CEP128: variants seen among roughly 807,000 people sequenced by gnomAD.
CEP128 encodes the protein centrosomal protein 128kDa.
In CEP128, 132 loss-of-function variants were observed where a neutral mutation model predicts 156.7. The ratio of observed to expected loss-of-function variants is 0.84; its 90% CI spans 0.73 to 0.97. The LOEUF is 0.97. CEP128 is among the 50% of genes least tolerant of loss of function. CEP128 has a pLI of 0.00. For missense variants in CEP128, 1,252 were observed against 1,281.9 expected (o/e 0.98, Z 0.36); for synonymous variants, 469 against 448.9 (o/e 1.04, Z -0.57).
intron 2 of CEP128, among the ~76,000 whole-genome samples, chr14:80,930,774 C>T (rs890497122): frequency 6.6e-6 from 1 of 152,208 alleles, no homozygotes; most frequent in East Asian, 1.9e-4. Context: ...TTATTGAAGG[C>T]CACCACTTCA....
In CEP128 at chr14:80,895,831, T is replaced by G. The variant is rs765417653; in HGVS notation, c.573-41A>C. Reference sequence around the variant, plus strand: ...AAAAAAAGATTTAAATTTGGATATTTAGAAAATACACAGAACGAGTGAAAT... The same window carrying G: ...AAAAAAAGATTTAAATTTGGATATTGAGAAAATACACAGAACGAGTGAAAT... On this transcript the variant is annotated intron_variant, in intron 7 of 24. Transcript: ENST00000555265. 13 of 1,339,638 alleles carry G rather than the reference T, an allele frequency of 9.7e-6. No homozygotes were observed. In the East Asian group the frequency reaches 3.3e-4, roughly 34 times the overall value. 83.0% of individuals were successfully genotyped at this position (1,339,638 alleles called of 1,614,324 possible).
chr14:80,840,753 C>G lies in CEP128; in HGVS notation c.778G>C (p.Glu260Gln). 6.2e-7 allele frequency: 1 copy of G among 1,608,852 alleles called. No individual in the cohort carries two copies. Among genetic ancestry groups the G allele is most frequent in the Non-Finnish European group, 8.5e-7 (1 of 1,176,684 alleles). ...CCCTCATGCTCATCTGCTTTAGCTT[C>G]TTGTTTCTTTAGTGCCTGGAATGAA... ...LQLQEALKKQ[E>Q]AKADEHEGAI... Residue 260 changes from glutamate (E) to glutamine (Q), a missense_variant, in exon 10 of 25, where the codon GAA becomes CAA. Coordinates refer to ENST00000555265, the MANE Select transcript of CEP128 (RefSeq NM_152446.5).
At chr14:80,810,672 G>A (rs750323394) in intron 13 of CEP128, among the ~76,000 whole-genome samples, 8 of 152,030 alleles carry the variant, frequency 5.3e-5, no homozygotes, top group Non-Finnish European at 8.8e-5. Context: ...AGTGATAATT[G>A]CCACCTCTTC....
At chr14:80,608,559 A>T (rs1405519199) in intron 19 of CEP128, among the ~76,000 whole-genome samples, 1 of 152,084 alleles carries the variant, frequency 6.6e-6, no homozygotes, top group Non-Finnish European at 1.5e-5. Context: ...CATGGATTCA[A>T]CTCTGTTTAA....
At chr14:80,623,543 C>T (rs2140673165) in intron 19 of CEP128, among the ~76,000 whole-genome samples, 1 of 151,456 alleles carries the variant, frequency 6.6e-6, no homozygotes, top group African/African-American at 2.4e-5. Context: ...GTTTCATCAG[C>T]TCTGGTCAGA....
At chr14:80,718,128 G>A (rs767848953) in intron 19 of CEP128, among the ~76,000 whole-genome samples, 3 of 152,162 alleles carry the variant, frequency 2.0e-5, no homozygotes, top group Non-Finnish European at 4.4e-5. Flanking sequence ...AAGACAAAAT[G>A]GTGAGACTTA....
intron 23 of CEP128, among the ~76,000 whole-genome samples, chr14:80,523,779 A>G (rs1228887001): frequency 6.6e-6 from 1 of 152,218 alleles, no homozygotes; most frequent in Non-Finnish European, 1.5e-5. Flanking sequence ...TGGCAAATAC[A>G]GAAAAAGGAA....
At chr14:80,637,850 T>C (rs1342627484) in intron 19 of CEP128, among the ~76,000 whole-genome samples, 3 of 152,042 alleles carry the variant, frequency 2.0e-5, no homozygotes, top group East Asian at 3.9e-4. Flanking sequence ...AAGAACACAG[T>C]GTAACAAGAG....
intron 23 of CEP128, among the ~76,000 whole-genome samples, chr14:80,514,256 C>G (rs1010030261): frequency 3.9e-5 from 6 of 152,178 alleles, no homozygotes; most frequent in African/African-American, 1.4e-4. Flanking sequence ...CCCCAACCAC[C>G]TTGGGCACAT....
At chr14:80,819,293 C>T (rs1164310649) in intron 13 of CEP128, among the ~76,000 whole-genome samples, 1 of 131,178 alleles carries the variant, frequency 7.6e-6, no homozygotes, top group Non-Finnish European at 1.5e-5. Context: ...GTCACCCAGG[C>T]TGGAGTGCAG....
intron 23 of CEP128, among the ~76,000 whole-genome samples, chr14:80,510,636 G>T (rs972142199): frequency 6.6e-6 from 1 of 152,020 alleles, no homozygotes; most frequent in African/African-American, 2.4e-5. Flanking sequence ...CCAAGGCTAT[G>T]TTTAATAGCT....
chr14:80,730,046 G>A (rs923955681), intron 19 of CEP128, among the ~76,000 whole-genome samples: 2 of 152,154 alleles, frequency 1.3e-5, no homozygotes, highest in African/African-American at 4.8e-5. Context: ...CCTCTTTGGA[G>A]TGTACACATT....
intron 19 of CEP128, among the ~76,000 whole-genome samples, chr14:80,695,713 CAAA>C (rs772118868): frequency 5.0e-5 from 5 of 99,460 alleles, no homozygotes; most frequent in Admixed American, 1.1e-4. Context: ...GACTCCATCT[CAAA>C]AAAAAAAAAA....
intron 18 of CEP128, among the ~76,000 whole-genome samples, chr14:80,743,964 T>A (rs1309766151): frequency 6.6e-6 from 1 of 151,662 alleles, no homozygotes; most frequent in Non-Finnish European, 1.5e-5. Context: ...CTTGACTTCC[T>A]GGGCTCAAGC....
In CEP128 at chr14:80,712,584, G is replaced by T. The variant is rs138316408; in HGVS notation, c.2806+30491C>A. 2.1e-3 allele frequency among the ~76,000 whole-genome samples: 321 copies of T among 152,216 alleles called. 2 individuals are homozygous for T. The highest frequency in any genetic ancestry group is 7.4e-3 in the African/African-American group (307 of 41,528). ...TATTCTGGGGTCCTGAGTACCCAGA[G>T]CATGGTTTAGAAAAGAGAGACTGTG... On this transcript the variant is annotated intron_variant, in intron 19 of 24. Transcript: ENST00000555265.
At chr14:80,757,124 C>T (rs1253793319) in intron 17 of CEP128, among the ~76,000 whole-genome samples, 173 bp from the exon 18 acceptor site, 3 of 152,086 alleles carry the variant, frequency 2.0e-5, no homozygotes, top group East Asian at 1.9e-4. Context: ...CATTTATATG[C>T]CTTTTTATGT....
chr14:80,831,411 C>T (rs748725841), intron 12 of CEP128, 117 bp from the exon 13 acceptor site: 1 of 1,098,418 alleles, frequency 9.1e-7, no homozygotes, highest in Non-Finnish European at 1.3e-6. Context: ...CATTTATTGA[C>T]AGTTACTCAA....
At position 80,847,802 on chromosome 14, in the gene CEP128, C is replaced by A. The variant is rs184548191; in HGVS notation, c.763-7034G>T. 3.3e-5 allele frequency among the ~76,000 whole-genome samples: 5 copies of A among 152,312 alleles called. No individual in the cohort carries two copies. The East Asian group carries it at 5.8e-4, about 18-fold the overall frequency. On this transcript the variant is annotated intron_variant, in intron 9 of 24. Transcript: ENST00000555265. ...ATAGTTAACATCTCTATTTCCTCAA[C>A]TAAACTAGGGGTCCCTAAAAGGTGA...
intron 12 of CEP128, 25 bp downstream of exon 12, chr14:80,836,180 T>C: frequency 6.2e-7 from 1 of 1,610,808 alleles, no homozygotes; most frequent in Non-Finnish European, 8.5e-7. Flanking sequence ...CATTATCACA[T>C]TATTAGGTAC....
Sources: gnomAD v4.1 joint callset for allele counts (sites outside exome capture counted in the v4.1 genomes callset) on GRCh38, gnomAD v4.1.1 for gene constraint, MANE v1.5 for transcripts, NCBI Gene and HGNC (gene_info 2026-07-23, HGNC 2026-07-21) for gene names.